Variants in RBM47 observed in about 807,000 individuals in gnomAD.
The protein encoded by RBM47 is RNA-binding protein 47.
In RBM47, 21 loss-of-function variants were observed where a neutral mutation model predicts 47.1. The observed-to-expected ratio is 0.45, with a 90% confidence interval of 0.32 to 0.64. The LOEUF (loss-of-function observed/expected upper bound fraction) is 0.64, where lower values mean the gene tolerates loss of function less well. RBM47 is among the 30% of genes least tolerant of loss of function. The probability of loss-of-function intolerance (pLI) is 0.05; values close to 1 mark genes in which losing one functional copy is unlikely to be tolerated. For missense variants in RBM47, 708 were observed against 870.9 expected (o/e 0.81, Z 2.35); for synonymous variants, 375 against 361.7 (o/e 1.04, Z -0.42).
At chr4:40,506,282 A>C (rs1432551072) in intron 2 of RBM47, among the ~76,000 whole-genome samples, 1 of 152,160 alleles carries the variant, frequency 6.6e-6, no homozygotes, top group Non-Finnish European at 1.5e-5. Context: ...TCAAGGGAAA[A>C]AATGCCACCT....
chr4:40,470,641 T>C (rs1012173428), intron 2 of RBM47, among the ~76,000 whole-genome samples: 1 of 152,248 alleles, frequency 6.6e-6, no homozygotes, highest in African/African-American at 2.4e-5. Flanking sequence ...AGTCATGTCC[T>C]GTTCTACTTC....
At chr4:40,497,803 G>A (rs1037803144) in intron 2 of RBM47, among the ~76,000 whole-genome samples, 5 of 148,652 alleles carry the variant, frequency 3.4e-5, no homozygotes, top group African/African-American at 7.4e-5. Flanking sequence ...GGGAGACCCT[G>A]TCTCTACAGC....
At position 40,438,687 on chromosome 4, in the gene RBM47, A is replaced by G. The variant is rs776033231; in HGVS notation, c.207T>C (p.Arg69=). Residue 69 remains arginine, a synonymous_variant, in exon 4 of 7, where the codon CGT becomes CGC. Transcript: ENST00000295971. ...PPGWEGPHPQ[R]GCEVFVGKIP... ...TCTTGCCCACGAAGACCTCGCAGCCACGCTGCGGGTGCGGGCCCTCCCAGC... is the reference window on the plus strand; with the variant it reads ...TCTTGCCCACGAAGACCTCGCAGCCGCGCTGCGGGTGCGGGCCCTCCCAGC... 1.1e-5 allele frequency: 18 copies of G among 1,611,680 alleles called. 1 individual carries two copies. In the South Asian group the frequency reaches 1.5e-4, roughly 14 times the overall value.
At chr4:40,608,623 T>C (rs1355564723) in intron 1 of RBM47, among the ~76,000 whole-genome samples, 1 of 152,200 alleles carries the variant, frequency 6.6e-6, no homozygotes, top group Non-Finnish European at 1.5e-5. Flanking sequence ...TGGAACTCTT[T>C]TTCTATCCTG....
rs201921796 is a variant in RBM47 at position 40,434,703 on chromosome 4, C to CA, written c.1330+1737dup. Among the ~76,000 whole-genome samples the CA allele has an allele frequency of 1.1e-3, 117 of 103,674 alleles. 1 individual carries two copies. Among genetic ancestry groups the CA allele is most frequent in the Middle Eastern group, 0.011 (2 of 190 alleles). The allele number at this position is 103,674 out of a possible 152,430, so 68.0% of individuals were successfully genotyped here. A position where few individuals can be genotyped will look rare whatever the true frequency, so the allele number is the denominator to read the frequency against. On this transcript the variant is annotated intron_variant, in intron 5 of 6. Transcript: ENST00000295971. ...AGAAATTGCAGAATTTTTACACAGGCAAAAAAAAAAAAAAAAAAAAAAAAA... is the reference window on the plus strand; with the variant it reads ...AGAAATTGCAGAATTTTTACACAGGCAAAAAAAAAAAAAAAAAAAAAAAAAA...
chr4:40,466,265 CAAAAAAA>C (rs55805915), intron 3 of RBM47, among the ~76,000 whole-genome samples: 5 of 91,662 alleles, frequency 5.5e-5, no homozygotes, highest in African/African-American at 1.6e-4. Flanking sequence ...GAGACTGTCT[CAAAAAAA>C]AAAAAAAAAA....
chr4:40,515,011 T>C (rs1725406783), intron 2 of RBM47, among the ~76,000 whole-genome samples: 1 of 152,168 alleles, frequency 6.6e-6, no homozygotes, highest in Admixed American at 6.6e-5. Flanking sequence ...GACCACATAT[T>C]CCTATTTATC....
chr4:40,569,032 C>CAGAT lies in RBM47; in HGVS notation c.-239-24527_-239-24526insATCT, dbSNP rs1553902793. Among the ~76,000 whole-genome samples the CAGAT allele has an allele frequency of 5.1e-3, 728 of 143,232 alleles. 5 individuals carry two copies. The highest frequency in any genetic ancestry group is 0.021 in the African/African-American group (708 of 34,124). The allele number at this position is 143,232 out of a possible 152,430, so 94.0% of individuals were successfully genotyped here. ...ATAGATAGATAGACAGACAGACAGA[C>CAGAT]AGACAGACAGACAGACAGATAGATA... On this transcript the variant is annotated intron_variant, in intron 1 of 6. Transcript: ENST00000295971.
intron 2 of RBM47, among the ~76,000 whole-genome samples, chr4:40,536,049 C>T (rs891613279): frequency 2.0e-5 from 3 of 152,216 alleles, no homozygotes; most frequent in Non-Finnish European, 2.9e-5. Flanking sequence ...TGAGGTGTCA[C>T]TTGTATTTTG....
intron 1 of RBM47, among the ~76,000 whole-genome samples, chr4:40,602,678 T>C (rs1735394079): frequency 6.7e-6 from 1 of 150,288 alleles, no homozygotes; most frequent in South Asian, 2.1e-4. Context: ...ATATCATAAA[T>C]CTCAAGACAA....
chr4:40,470,486 C>A lies in RBM47; in HGVS notation c.-154-3787G>T, dbSNP rs190155487. Among the ~76,000 whole-genome samples the A allele has an allele frequency of 2.6e-5, 4 of 152,154 alleles. No individual in the cohort carries two copies. In the East Asian group the frequency reaches 7.7e-4, roughly 29 times the overall value. On this transcript the variant is annotated intron_variant, in intron 2 of 6. Coordinates refer to ENST00000295971, the MANE Select transcript of RBM47 (RefSeq NM_001098634.2). ...TAGTTTGCCTATCTTGATTTTTTTG[C>A]CCCCTCTTCTATTTGTGTCTTGACG...
intron 2 of RBM47, among the ~76,000 whole-genome samples, chr4:40,526,129 C>T (rs923631927): frequency 1.3e-5 from 2 of 152,186 alleles, no homozygotes; most frequent in African/African-American, 4.8e-5. Flanking sequence ...AGCTGTAAGT[C>T]AAGGAGGACA....
In RBM47 at chr4:40,525,266, T is replaced by C. The variant is rs533904988; in HGVS notation, c.-155+19156A>G. On this transcript the variant is annotated intron_variant, in intron 2 of 6. Transcript: ENST00000295971. ...CAGCCTGGCCAACATGGCGAAACCCTGTCTCTACTAAAAATACGAAAATTA... is the reference window on the plus strand; with the variant it reads ...CAGCCTGGCCAACATGGCGAAACCCCGTCTCTACTAAAAATACGAAAATTA... Among the ~76,000 whole-genome samples the C allele has an allele frequency of 2.2e-3, 341 of 152,190 alleles. 1 individual carries two copies. The highest frequency in any genetic ancestry group is 7.9e-3 in the African/African-American group (326 of 41,494).
intron 2 of RBM47, among the ~76,000 whole-genome samples, chr4:40,498,550 T>C (rs1475629466): frequency 6.6e-6 from 1 of 151,594 alleles, no homozygotes; most frequent in Non-Finnish European, 1.5e-5. Flanking sequence ...TGGTGGTGCT[T>C]GTCTGAAGTC....
At chr4:40,580,692 C>A (rs747171913) in intron 1 of RBM47, among the ~76,000 whole-genome samples, 12 of 152,198 alleles carry the variant, frequency 7.9e-5, no homozygotes, top group Admixed American at 1.3e-4. Context: ...TCAGCTCTCA[C>A]ACATATTGAG....
chr4:40,618,896 T>C lies in RBM47; in HGVS notation c.-240+10500A>G, dbSNP rs564890979. On this transcript the variant is annotated intron_variant, in intron 1 of 6. Transcript: ENST00000295971. ...GGAATCTCAGTAAACACACCCAAAA[T>C]TGAACTCCTGATCTCCTCTACCTGC... Among the ~76,000 whole-genome samples, 12 of 149,508 alleles carry C rather than the reference T, an allele frequency of 8.0e-5. No homozygotes were observed. The South Asian group carries it at 2.1e-3, about 27-fold the overall frequency.
chr4:40,504,007 T>C (rs947778821), intron 2 of RBM47, among the ~76,000 whole-genome samples: 2 of 151,882 alleles, frequency 1.3e-5, no homozygotes, highest in African/African-American at 4.8e-5. Flanking sequence ...ACCCCCGTCT[T>C]GGAAAAAAAA....
chr4:40,466,460 C>T (rs1718043509), intron 3 of RBM47, 117 bp downstream of exon 3: 2 of 151,942 alleles, frequency 1.3e-5, no homozygotes, highest in African/African-American at 4.8e-5. Context: ...CTAACGTTGC[C>T]ACATGAACAC....
At chr4:40,533,958 G>A (rs897511485) in intron 2 of RBM47, among the ~76,000 whole-genome samples, 1 of 151,916 alleles carries the variant, frequency 6.6e-6, no homozygotes, top group Non-Finnish European at 1.5e-5. Flanking sequence ...TGGGATTACA[G>A]GCATGCACCA....
Sources: allele counts gnomAD v4.1 joint callset (sites outside exome capture counted in the v4.1 genomes callset), GRCh38; gene constraint gnomAD v4.1.1; transcripts MANE v1.5; gene names NCBI Gene and HGNC (gene_info 2026-07-23, HGNC 2026-07-21).